PTPRD: variants seen among roughly 807,000 people sequenced by gnomAD.
The protein encoded by PTPRD is protein tyrosine phosphatase receptor type D, also known as receptor-type tyrosine-protein phosphatase delta.
In PTPRD, 34 loss-of-function variants were observed where a neutral mutation model predicts 214.5. That is an observed-to-expected ratio of 0.16 (90% CI 0.12 to 0.21). PTPRD has a LOEUF of 0.21. PTPRD is among the 10% of genes least tolerant of loss of function. PTPRD has a pLI of 1.00. For missense variants in PTPRD, 2,545 were observed against 2,398.7 expected (o/e 1.06, Z -1.27); for synonymous variants, 1,128 against 845.7 (o/e 1.33, Z -5.79).
At chr9:10,528,281 T>G (rs1199595226) in intron 2 of PTPRD, among the ~76,000 whole-genome samples, 1 of 152,168 alleles carries the variant, frequency 6.6e-6, no homozygotes, top group African/African-American at 2.4e-5. Flanking sequence ...AGACCTGCTG[T>G]GCATCCGTGC....
At chr9:9,098,258 G>T (rs1425099007) in intron 10 of PTPRD, among the ~76,000 whole-genome samples, 3 of 151,886 alleles carry the variant, frequency 2.0e-5, no homozygotes, top group Non-Finnish European at 4.4e-5. Flanking sequence ...TCCATAAATA[G>T]ATTTATTATT....
At chr9:8,376,127 C>T (rs2134846352) in intron 38 of PTPRD, 37 bp from the exon 39 acceptor site, 1 of 1,607,970 alleles carries the variant, frequency 6.2e-7, no homozygotes, top group Non-Finnish European at 8.5e-7. Flanking sequence ...TTCTGTTTTC[C>T]AAGCCTCAGG....
intron 4 of PTPRD, among the ~76,000 whole-genome samples, chr9:9,999,353 A>G (rs1414402150): frequency 1.3e-5 from 2 of 152,188 alleles, no homozygotes; most frequent in Non-Finnish European, 2.9e-5. Context: ...ATCATGAAAG[A>G]TAAGTAACTG....
chr9:10,141,233 G>A (rs1374682572), intron 3 of PTPRD, among the ~76,000 whole-genome samples: 1 of 151,952 alleles, frequency 6.6e-6, no homozygotes, highest in African/African-American at 2.4e-5. Flanking sequence ...TCAACATAGT[G>A]TTGGAATTTT....
chr9:10,335,818 A>C (rs2096834267), intron 3 of PTPRD, among the ~76,000 whole-genome samples: 1 of 151,862 alleles, frequency 6.6e-6, no homozygotes, highest in South Asian at 2.1e-4. Flanking sequence ...GAATATATAC[A>C]CACGGCAAAT....
chr9:10,493,627 A>G (rs2041097153), intron 2 of PTPRD, among the ~76,000 whole-genome samples: 1 of 152,104 alleles, frequency 6.6e-6, no homozygotes, highest in Non-Finnish European at 1.5e-5. Context: ...CACTTGGTCA[A>G]TTGTTGAGGA....
chr9:8,743,621 A>C (rs547134852), intron 11 of PTPRD, among the ~76,000 whole-genome samples: 75 of 152,274 alleles, frequency 4.9e-4, no homozygotes, highest in African/African-American at 1.7e-3. Flanking sequence ...TCAAAGAGTT[A>C]TATCTATGAC....
chr9:9,093,669 C>A (rs529903516), intron 10 of PTPRD, among the ~76,000 whole-genome samples: 1 of 148,850 alleles, frequency 6.7e-6, no homozygotes, highest in South Asian at 2.2e-4. Context: ...AAAATTTGGG[C>A]GGGGGGGCGG....
At chr9:9,115,147 G>T (rs1314927310) in intron 10 of PTPRD, among the ~76,000 whole-genome samples, 2 of 152,116 alleles carry the variant, frequency 1.3e-5, no homozygotes, top group African/African-American at 4.8e-5. Flanking sequence ...ATTTCTGGTG[G>T]TTATTCTATT....
chr9:8,563,806 C>T (rs2087571371), intron 14 of PTPRD, among the ~76,000 whole-genome samples: 1 of 152,112 alleles, frequency 6.6e-6, no homozygotes, highest in South Asian at 2.1e-4. Context: ...GGACTACAGG[C>T]ATGTGCCATC....
intron 10 of PTPRD, among the ~76,000 whole-genome samples, chr9:9,150,259 A>G (rs1160040214): frequency 6.6e-6 from 1 of 152,020 alleles, no homozygotes; most frequent in African/African-American, 2.4e-5. Flanking sequence ...CAATATAATC[A>G]TTCTGCATCT....
chr9:10,542,786 T>A (rs554303973), intron 2 of PTPRD, among the ~76,000 whole-genome samples: 2 of 152,266 alleles, frequency 1.3e-5, no homozygotes, highest in Non-Finnish European at 2.9e-5. Flanking sequence ...TGGTGTGATC[T>A]TGGCTCACCA....
chr9:10,072,597 A>T (rs771954104), intron 3 of PTPRD, among the ~76,000 whole-genome samples: 28 of 151,984 alleles, frequency 1.8e-4, no homozygotes, highest in Non-Finnish European at 4.4e-5. Context: ...CCCATGTTCC[A>T]TTTTTGTCCT....
Position 10,119,842 on chromosome 9 carries a change from G to C in PTPRD, c.-544-86052C>G, listed in dbSNP as rs180981163. ...TTGTAACATAGCTCCGAGATAATGA[G>C]AGGTACAGAGACCTATTTGAATCAG... On this transcript the variant is annotated intron_variant, in intron 3 of 45. Transcript: ENST00000381196. 9.3e-4 allele frequency among the ~76,000 whole-genome samples: 141 copies of C among 152,120 alleles called. 2 individuals are homozygous for C. Among genetic ancestry groups the C allele is most frequent in the African/African-American group, 3.2e-3 (133 of 41,546 alleles).
intron 5 of PTPRD, among the ~76,000 whole-genome samples, chr9:9,937,114 T>C (rs2089779543): frequency 6.6e-6 from 1 of 152,042 alleles, no homozygotes; most frequent in East Asian, 1.9e-4. Flanking sequence ...CTGGGAGATA[T>C]ACCTAATGCT....
At chr9:9,840,298 C>A (rs1447563801) in intron 5 of PTPRD, among the ~76,000 whole-genome samples, 2 of 152,028 alleles carry the variant, frequency 1.3e-5, no homozygotes, top group Non-Finnish European at 2.9e-5. Context: ...TATGGCTGGC[C>A]TGTATTTTCT....
chr9:8,392,010 C>G (rs1049939546), intron 36 of PTPRD, among the ~76,000 whole-genome samples: 1 of 152,102 alleles, frequency 6.6e-6, no homozygotes, highest in Non-Finnish European at 1.5e-5. Context: ...AATGATTGCA[C>G]TTCCCAGGAT....
chr9:8,790,147 G>A (rs558104608), intron 11 of PTPRD, among the ~76,000 whole-genome samples: 2 of 152,054 alleles, frequency 1.3e-5, no homozygotes, highest in South Asian at 4.2e-4. Flanking sequence ...CTCCTGAATA[G>A]CTGGGACTAC....
chr9:8,624,358 C>T (rs2095937683), intron 14 of PTPRD, among the ~76,000 whole-genome samples: 1 of 151,876 alleles, frequency 6.6e-6, no homozygotes, highest in Admixed American at 6.6e-5. Context: ...AGCTGTTTTT[C>T]AGTCCTTTGG....
Sources: gnomAD v4.1 joint callset for allele counts (sites outside exome capture counted in the v4.1 genomes callset) on GRCh38, gnomAD v4.1.1 for gene constraint, MANE v1.5 for transcripts, NCBI Gene and HGNC (gene_info 2026-07-23, HGNC 2026-07-21) for gene names.